Variants in IFNGR1 observed in about 807,000 individuals in gnomAD.
IFNGR1 encodes the protein AVP, type 2.
In IFNGR1, 23 loss-of-function variants were observed where a neutral mutation model predicts 35.4. The observed-to-expected ratio is 0.65, with a 90% CI of 0.47 to 0.92. The LOEUF is 0.92. IFNGR1 is among the 40% of genes least tolerant of loss of function. The pLI, the probability that IFNGR1 is intolerant of heterozygous loss-of-function variation, is 0.00. For missense variants in IFNGR1, 533 were observed against 583.4 expected (o/e 0.91, Z 0.89); for synonymous variants, 199 against 209.5 (o/e 0.95, Z 0.43).
chr6:137,219,354 A>T lies in IFNGR1; in HGVS notation c.-27T>A. On this transcript the variant is annotated 5_prime_UTR_variant, in exon 1 of 7. In the 5' UTR this introduces an upstream ATG that the reference lacks. Transcript: ENST00000367739. ...CTGCTACCGACGGTCGCTGGCTCCA[A>T]CCCCGAGCGCCTGCGGGACCAGCCC... 1 of 1,585,376 alleles carries T rather than the reference A, an allele frequency of 6.3e-7. No individual in the cohort carries two copies. Among genetic ancestry groups the T allele is most frequent in the Non-Finnish European group, 8.6e-7 (1 of 1,166,422 alleles).
At chr6:137,217,071 C>T (rs1325228745) in intron 1 of IFNGR1, among the ~76,000 whole-genome samples, 4 of 152,214 alleles carry the variant, frequency 2.6e-5, no homozygotes, top group South Asian at 2.1e-4. Context: ...CTTGCTTTAA[C>T]GCTATGCCTG....
rs1268734737 is a variant in IFNGR1 at position 137,219,347 on chromosome 6, G to A, written c.-20C>T. The A allele has an allele frequency of 2.5e-6, 4 of 1,592,298 alleles. No homozygotes were observed. In the South Asian group the frequency reaches 3.4e-5, roughly 14 times the overall value. The stretch of plus-strand genomic sequence containing the variant: ...AGCCATGCTGCTACCGACGGTCGCT[G>A]GCTCCAACCCCGAGCGCCTGCGGGA... On this transcript the variant is annotated 5_prime_UTR_variant, in exon 1 of 7. Transcript: ENST00000367739.
In IFNGR1 at chr6:137,207,042, T is replaced by C; in HGVS notation, c.121A>G (p.Asn41Asp). The C allele has an allele frequency of 1.2e-6, 2 of 1,614,052 alleles. No individual in the cohort carries two copies. Among genetic ancestry groups the C allele is most frequent in the Non-Finnish European group, 1.7e-6 (2 of 1,179,936 alleles). The change falls in exon 2 of 7, where the codon AAC becomes GAC. Residue 41 changes from asparagine to aspartate, a missense_variant. Asn to Asp is a conservative substitution (Grantham distance 23). Transcript: ENST00000367739. ...TCCCAATATACGATAGGGTTCATGTTATAGGATTCAATTGTAACATTAGTT... is the reference window on the plus strand; with the variant it reads ...TCCCAATATACGATAGGGTTCATGTCATAGGATTCAATTGTAACATTAGTT... Reference protein sequence around the residue: ...TPTNVTIESYNMNPIVYWEYQ... With the variant: ...TPTNVTIESYDMNPIVYWEYQ...
At position 137,206,964 on chromosome 6, in the gene IFNGR1, C is replaced by A. The variant is rs1779446398; in HGVS notation, c.199G>T (p.Gly67Cys). Reference sequence around the variant, plus strand: ...GATAAATAAAAGAGTGACACTCACCCATAGTTCTTTACCTCTACGGTAAAA... The same window carrying A: ...GATAAATAAAAGAGTGACACTCACCAATAGTTCTTTACCTCTACGGTAAAA... ...PVFTVEVKNYGVKNSEWIDAC... is the reference protein window; with the variant it reads ...PVFTVEVKNYCVKNSEWIDAC... The change falls in exon 2 of 7, where the codon GGT (glycine) becomes TGT (cysteine). Residue 67 changes from glycine (G) to cysteine (C), a missense_variant and splice_region_variant. Transcript: ENST00000367739. 1 of 1,597,950 alleles carries A rather than the reference C, an allele frequency of 6.3e-7. No homozygotes were observed. Among genetic ancestry groups the A allele is most frequent in the Non-Finnish European group, 8.6e-7 (1 of 1,165,500 alleles).
intron 1 of IFNGR1, among the ~76,000 whole-genome samples, chr6:137,213,851 T>A (rs111356745): frequency 1.3e-5 from 2 of 152,304 alleles, no homozygotes; most frequent in African/African-American, 4.8e-5. Flanking sequence ...ACCAAAAGCA[T>A]CTGTGTCTCT....
chr6:137,202,906 G>T (rs867572692), intron 5 of IFNGR1, among the ~76,000 whole-genome samples: 2 of 152,028 alleles, frequency 1.3e-5, no homozygotes, highest in Admixed American at 6.6e-5. Flanking sequence ...CCTGACACCT[G>T]AGAGTAACAG....
rs775139856 is a variant in IFNGR1 at position 137,203,753 on chromosome 6, A to C, written c.547-68T>G. Reference sequence around the variant, plus strand: ...AATCTGAAAAAAAAAAAAAATCACCATATTAGTCCTGGTCAAACAACTGAA... The same window carrying C: ...AATCTGAAAAAAAAAAAAAATCACCCTATTAGTCCTGGTCAAACAACTGAA... On this transcript the variant is annotated intron_variant, in intron 4 of 6. Transcript: ENST00000367739. 6.4e-5 allele frequency: 80 copies of C among 1,258,534 alleles called. No individual in the cohort carries two copies. The African/African-American group carries it at 1.1e-3, about 17-fold the overall frequency. The allele number at this position is 1,258,534 out of a possible 1,614,324, so 78.0% of individuals were successfully genotyped here.
chr6:137,219,144 G>T, intron 1 of IFNGR1, 99 bp downstream of exon 1: 1 of 1,486,830 alleles, frequency 6.7e-7, no homozygotes, highest in Non-Finnish European at 9.1e-7. Context: ...CCCGGGCTAG[G>T]GCGACCTCGG....
chr6:137,219,212 C>A (rs1450574962), intron 1 of IFNGR1, 31 bp downstream of exon 1: 3 of 1,587,756 alleles, frequency 1.9e-6, no homozygotes, highest in Admixed American at 1.8e-5. Context: ...TCGTCCCGAC[C>A]CGGCCGCAGC....
In IFNGR1 at chr6:137,204,489, G is replaced by A. The variant is rs1312369095; in HGVS notation, c.389C>T (p.Pro130Leu). The stretch of plus-strand genomic sequence containing the variant: ...CTCCTCCTTTCTGATATCCAGTTTA[G>A]GTGGTCCAATTTTTCCTGGGGAAGG... ...AVCRDGKIGP[P>L]KLDIRKEEKQ... is the part of the protein sequence containing the mutation. Residue 130 changes from proline to leucine, a missense_variant, in exon 4 of 7, where the codon CCT (proline) becomes CTT (leucine). Physicochemically the swap from Pro to Leu is moderately conservative, Grantham distance 98 (BLOSUM62 -3). Coordinates refer to ENST00000367739, the MANE Select transcript of IFNGR1 (RefSeq NM_000416.3). 5 of 1,613,474 alleles carry A rather than the reference G, an allele frequency of 3.1e-6. No individual in the cohort carries two copies. Among genetic ancestry groups the A allele is most frequent in the Non-Finnish European group, 4.2e-6 (5 of 1,179,600 alleles).
chr6:137,209,795 A>C, intron 1 of IFNGR1: 1 of 398,820 alleles, frequency 2.5e-6, no homozygotes, highest in Non-Finnish European at 4.4e-6. Context: ...TCTCAACTCT[A>C]CACATACTAC....
At chr6:137,217,557 A>C (rs1196976182) in intron 1 of IFNGR1, among the ~76,000 whole-genome samples, 1 of 152,180 alleles carries the variant, frequency 6.6e-6, no homozygotes, top group African/African-American at 2.4e-5. Flanking sequence ...AAAACTCAGA[A>C]GCTGTCAGCA....
chr6:137,198,786 A>C (rs1287865392), intron 6 of IFNGR1, 147 bp from the exon 7 acceptor site: 2 of 659,172 alleles, frequency 3.0e-6, no homozygotes, highest in African/African-American at 3.6e-5. Context: ...TTTTTAATGA[A>C]AGGTCCCATA....
chr6:137,206,958 C>T lies in IFNGR1; in HGVS notation c.200+5G>A, dbSNP rs1268158098. 1.3e-6 allele frequency: 2 copies of T among 1,587,216 alleles called. No homozygotes were observed. Among genetic ancestry groups the T allele is most frequent in the African/African-American group, 1.3e-5 (1 of 74,488 alleles). On this transcript the variant is annotated splice_donor_5th_base_variant and intron_variant, in intron 2 of 6. Coordinates refer to ENST00000367739, the MANE Select transcript of IFNGR1 (RefSeq NM_000416.3). Reference sequence around the variant, plus strand: ...AAAAAGGATAAATAAAAGAGTGACACTCACCCATAGTTCTTTACCTCTACG... The same window carrying T: ...AAAAAGGATAAATAAAAGAGTGACATTCACCCATAGTTCTTTACCTCTACG...
chr6:137,198,326 A>C lies in IFNGR1; in HGVS notation c.1175T>G (p.Ile392Ser), dbSNP rs1237890476. ...TCTGGAGTGATACGAGTTTAAAGCGATGCTGCCAGGTTCAGACTGGTTACT... is the reference window on the plus strand; with the variant it reads ...TCTGGAGTGATACGAGTTTAAAGCGCTGCTGCCAGGTTCAGACTGGTTACT... ...LSSNQSEPGS[I>S]ALNSYHSRNC... is the part of the protein sequence containing the mutation. The change falls in exon 7 of 7, where the codon ATC becomes AGC. Residue 392 changes from isoleucine (I) to serine (S), a missense_variant. Coordinates refer to ENST00000367739, the MANE Select transcript of IFNGR1 (RefSeq NM_000416.3). The C allele has an allele frequency of 6.2e-7, 1 of 1,613,446 alleles. No homozygotes were observed. Among genetic ancestry groups the C allele is most frequent in the African/African-American group, 1.3e-5 (1 of 74,478 alleles).
chr6:137,218,732 C>T (rs1249282814), intron 1 of IFNGR1: 3 of 350,650 alleles, frequency 8.6e-6, no homozygotes, highest in African/African-American at 6.4e-5. Context: ...TCCCCTTAGG[C>T]AATTTCTTCG....
At chr6:137,219,110 C>A in intron 1 of IFNGR1, 133 bp downstream of exon 1, 1 of 1,209,140 alleles carries the variant, frequency 8.3e-7, no homozygotes, top group South Asian at 1.4e-5. Flanking sequence ...TCCCCGTCGC[C>A]CGCTCAGGGC....
At chr6:137,218,467 G>A (rs941481977) in intron 1 of IFNGR1, 1 of 1,287,102 alleles carries the variant, frequency 7.8e-7, no homozygotes, top group Non-Finnish European at 1.0e-6. Flanking sequence ...ATCTGCTAGT[G>A]AGTGCCGGCA....
At chr6:137,214,227 A>G (rs1779639263) in intron 1 of IFNGR1, among the ~76,000 whole-genome samples, 2 of 152,210 alleles carry the variant, frequency 1.3e-5, no homozygotes, top group South Asian at 4.1e-4. Flanking sequence ...CTGCACAGCA[A>G]ACAGAACCAG....
Sources: gnomAD v4.1 joint callset for allele counts (sites outside exome capture counted in the v4.1 genomes callset) on GRCh38, gnomAD v4.1.1 for gene constraint, MANE v1.5 for transcripts, NCBI Gene and HGNC (gene_info 2026-07-23, HGNC 2026-07-21) for gene names.